The following CD86 variants were observed in gnomAD, a reference collection of about 807,000 sequenced individuals.
The protein encoded by CD86 is CD86 molecule.
In CD86, 11 loss-of-function variants were observed where a neutral mutation model predicts 32.1. That is an observed-to-expected ratio of 0.34 (90% CI 0.22 to 0.57). The LOEUF is 0.57. Among genes scored for constraint, CD86 ranks in the 20% least tolerant of loss-of-function variants. The pLI is 0.86. For missense variants in CD86, 359 were observed against 398.4 expected (o/e 0.90, Z 0.84); for synonymous variants, 137 against 135.3 (o/e 1.01, Z -0.09).
intron 5 of CD86, among the ~76,000 whole-genome samples, chr3:122,112,217 G>C (rs915422601): frequency 1.3e-5 from 2 of 152,128 alleles, no homozygotes; most frequent in South Asian, 4.1e-4. Flanking sequence ...TTTACAGCTT[G>C]CCTCCCTAGA....
At chr3:122,115,475 G>A (rs1177178935) in intron 5 of CD86, among the ~76,000 whole-genome samples, 1 of 151,862 alleles carries the variant, frequency 6.6e-6, no homozygotes, top group African/African-American at 2.4e-5. Context: ...TCAAAATCCT[G>A]GTAAGCTCTC....
intron 1 of CD86, among the ~76,000 whole-genome samples, chr3:122,079,265 A>C (rs1033639033): frequency 2.6e-5 from 4 of 152,178 alleles, no homozygotes; most frequent in African/African-American, 9.6e-5. Context: ...CTTGAATTTC[A>C]TATGCCTCTT....
At chr3:122,088,898 T>C (rs2072768463) in intron 1 of CD86, among the ~76,000 whole-genome samples, 1 of 152,198 alleles carries the variant, frequency 6.6e-6, no homozygotes, top group Admixed American at 6.5e-5. Flanking sequence ...ACCAGCATTA[T>C]GCACAATAGC....
At chr3:122,117,104 C>T (rs377362947) in intron 5 of CD86, among the ~76,000 whole-genome samples, 26 of 152,020 alleles carry the variant, frequency 1.7e-4, no homozygotes, top group East Asian at 1.4e-3. Flanking sequence ...AGATGGTTTT[C>T]GGTTACATGG....
chr3:122,056,786 T>G (rs899382110), intron 1 of CD86, among the ~76,000 whole-genome samples: 1 of 152,256 alleles, frequency 6.6e-6, no homozygotes, highest in Non-Finnish European at 1.5e-5. Flanking sequence ...CAGTGGAATT[T>G]TGAAGCGTTA....
intron 1 of CD86, among the ~76,000 whole-genome samples, chr3:122,059,194 C>A (rs2072287279): frequency 6.6e-6 from 1 of 152,102 alleles, no homozygotes; most frequent in Non-Finnish European, 1.5e-5. Context: ...CATGAAGAGT[C>A]TTCTGCATAA....
chr3:122,072,840 C>G (rs1268625517), intron 1 of CD86, among the ~76,000 whole-genome samples: 1 of 152,050 alleles, frequency 6.6e-6, no homozygotes, highest in Non-Finnish European at 1.5e-5. Flanking sequence ...TCTAGGTTTT[C>G]TTCTAGGGTT....
At chr3:122,119,021 T>G (rs1460237554) in intron 6 of CD86, among the ~76,000 whole-genome samples, 1 of 151,928 alleles carries the variant, frequency 6.6e-6, no homozygotes, top group Non-Finnish European at 1.5e-5. Context: ...ACCCCCAGGG[T>G]GCAGAGACAA....
rs1329451278 is a variant in CD86, at chr3:122,102,475, A to C, written c.65-1037A>C. The stretch of plus-strand genomic sequence containing the variant: ...TTCTGTAACCTAGAAAAGGTCCTAC[A>C]CAAACCCCGTGATCATTCACATTTA... On this transcript the variant is annotated intron_variant, in intron 2 of 6. Coordinates refer to ENST00000330540, the MANE Select transcript of CD86 (RefSeq NM_175862.5). Among the ~76,000 whole-genome samples, 4 of 134,200 alleles carry C rather than the reference A, an allele frequency of 3.0e-5. No individual in the cohort carries two copies. The East Asian group carries it at 8.7e-4, about 29-fold the overall frequency. The allele number at this position is 134,200 out of a possible 152,430, so 88.0% of individuals were successfully genotyped here. A position where few individuals can be genotyped will look rare whatever the true frequency, so the allele number is the denominator to read the frequency against.
chr3:122,087,504 A>G (rs778109504), intron 1 of CD86, among the ~76,000 whole-genome samples: 2 of 152,168 alleles, frequency 1.3e-5, no homozygotes, highest in Non-Finnish European at 2.9e-5. Context: ...ACACCCTCGC[A>G]CACACACATC....
At chr3:122,068,708 T>A (rs1253113427) in intron 1 of CD86, among the ~76,000 whole-genome samples, 1 of 152,264 alleles carries the variant, frequency 6.6e-6, no homozygotes, top group Non-Finnish European at 1.5e-5. Flanking sequence ...TAGAAATATG[T>A]TACATAGTTA....
At chr3:122,115,786 C>T (rs1247732936) in intron 5 of CD86, among the ~76,000 whole-genome samples, 2 of 142,794 alleles carry the variant, frequency 1.4e-5, no homozygotes, top group African/African-American at 2.6e-5. Flanking sequence ...GTGGACTTAA[C>T]CTACCTAATT....
chr3:122,085,248 T>C (rs1333928316), intron 1 of CD86, among the ~76,000 whole-genome samples: 4 of 152,216 alleles, frequency 2.6e-5, no homozygotes, highest in Non-Finnish European at 4.4e-5. Flanking sequence ...AGATACTCTG[T>C]CAGAAGCCTT....
intron 1 of CD86, among the ~76,000 whole-genome samples, chr3:122,061,681 A>G (rs962784511): frequency 6.6e-6 from 1 of 152,242 alleles, no homozygotes; most frequent in African/African-American, 2.4e-5. Flanking sequence ...AATAAAAGAT[A>G]ATGACAACAC....
chr3:122,069,905 T>C (rs1417732177), intron 1 of CD86, among the ~76,000 whole-genome samples: 1 of 152,200 alleles, frequency 6.6e-6, no homozygotes, highest in Admixed American at 6.5e-5. Flanking sequence ...CTCATCTTCC[T>C]CATTGCCCTT....
At chr3:122,059,178 A>T (rs1263120862) in intron 1 of CD86, among the ~76,000 whole-genome samples, 1 of 152,132 alleles carries the variant, frequency 6.6e-6, no homozygotes, top group African/African-American at 2.4e-5. Flanking sequence ...GATGGCCTGG[A>T]ATGCACATGA....
chr3:122,090,825 A>T (rs2072804818), intron 1 of CD86, among the ~76,000 whole-genome samples: 1 of 152,196 alleles, frequency 6.6e-6, no homozygotes, highest in African/African-American at 2.4e-5. Flanking sequence ...TGGCTTCATC[A>T]TGTAGATTAA....
chr3:122,074,215 C>T (rs1268156445), intron 1 of CD86, among the ~76,000 whole-genome samples: 5 of 152,312 alleles, frequency 3.3e-5, no homozygotes, highest in East Asian at 3.9e-4. Flanking sequence ...GCTACCCCCT[C>T]GGGAGCACTG....
At chr3:122,090,208 G>A (rs1181738437) in intron 1 of CD86, among the ~76,000 whole-genome samples, 2 of 151,978 alleles carry the variant, frequency 1.3e-5, no homozygotes, top group East Asian at 1.9e-4. Context: ...AAAAAGAAAA[G>A]GTATAGTCTA....
Sources: allele counts gnomAD v4.1 joint callset (sites outside exome capture counted in the v4.1 genomes callset), GRCh38; gene constraint gnomAD v4.1.1; transcripts MANE v1.5; gene names NCBI Gene and HGNC (gene_info 2026-07-23, HGNC 2026-07-21).